DRAM1: variants seen among roughly 807,000 people sequenced by gnomAD.
DRAM1 encodes the protein DNA damage regulated autophagy modulator 1.
A neutral mutation model predicts 28.5 loss-of-function variants in DRAM1; 25 were observed. The ratio of observed to expected loss-of-function variants is 0.88; its 90% confidence interval spans 0.64 to 1.23. The LOEUF (loss-of-function observed/expected upper bound fraction) is 1.23. Ranked by LOEUF, DRAM1 falls within the 50% of genes most tolerant of loss-of-function variation. The pLI is 0.00. For synonymous variants in DRAM1, 113 were observed against 114.2 expected (o/e 0.99, Z 0.07); for missense variants, 249 against 299.2 (o/e 0.83, Z 1.24).
chr12:101,895,208 T>C (rs1256102141), intron 1 of DRAM1, among the ~76,000 whole-genome samples: 3 of 141,554 alleles, frequency 2.1e-5, no homozygotes, highest in African/African-American at 8.3e-5. Context: ...TTTTTTTTTT[T>C]TTTTTTTTAC....
intron 2 of DRAM1, among the ~76,000 whole-genome samples, 162 bp from the exon 3 acceptor site, chr12:101,901,125 CTGTA>C (rs1422829735): frequency 5.0e-5 from 5 of 100,692 alleles, no homozygotes; most frequent in Non-Finnish European, 1.1e-4. Context: ...GTGTGTGTGT[CTGTA>C]CATGCTGGGG....
intron 1 of DRAM1, among the ~76,000 whole-genome samples, chr12:101,889,433 C>T (rs184923322): frequency 3.3e-5 from 5 of 151,614 alleles, no homozygotes; most frequent in African/African-American, 9.7e-5. Flanking sequence ...CCTATTAAAC[C>T]TCCACTCAGA....
chr12:101,917,507 C>T (rs1160130088), intron 5 of DRAM1, among the ~76,000 whole-genome samples: 1 of 150,364 alleles, frequency 6.7e-6, no homozygotes, highest in Non-Finnish European at 1.5e-5. Flanking sequence ...GCCAATATGG[C>T]GAAACCCTGT....
chr12:101,880,703 C>T lies in DRAM1; in HGVS notation c.131+2783C>T, dbSNP rs141653268. Among the ~76,000 whole-genome samples, 1,198 of 152,214 alleles carry T rather than the reference C, an allele frequency of 7.9e-3. 8 individuals are homozygous for T. Among genetic ancestry groups the T allele is most frequent in the Non-Finnish European group, 0.011 (746 of 68,010 alleles). On this transcript the variant is annotated intron_variant, in intron 1 of 6. Transcript: ENST00000258534. Reference sequence around the variant, plus strand: ...CTGTCAAAGGCAGGTTTTGAATGTTCATAGAGGTGTCTGATGTAGTTGTGA... The same window carrying T: ...CTGTCAAAGGCAGGTTTTGAATGTTTATAGAGGTGTCTGATGTAGTTGTGA...
chr12:101,920,098 T>G lies in DRAM1; in HGVS notation c.580-11T>G, dbSNP rs1247387808. 2 of 1,565,672 alleles carry G rather than the reference T, an allele frequency of 1.3e-6. No homozygotes were observed. The highest frequency in any genetic ancestry group is 1.7e-6 in the Non-Finnish European group (2 of 1,153,610). ...TTTCGGCTAAATTCTGTTTCTTTATTATTGCATTAGGATTATGTATATCAC... is the reference window on the plus strand; with the variant it reads ...TTTCGGCTAAATTCTGTTTCTTTATGATTGCATTAGGATTATGTATATCAC... On this transcript the variant is annotated splice_polypyrimidine_tract_variant and intron_variant, in intron 5 of 6. Transcript: ENST00000258534.
intron 1 of DRAM1, 45 bp from the exon 2 acceptor site, chr12:101,897,818 A>T (rs377111151): frequency 4.2e-6 from 6 of 1,413,876 alleles, no homozygotes; most frequent in Non-Finnish European, 5.0e-6. Flanking sequence ...AGAGGTCTGG[A>T]CAGAATTTCT....
intron 5 of DRAM1, 34 bp from the exon 6 acceptor site, chr12:101,920,075 T>C (rs1412177962): frequency 6.7e-7 from 1 of 1,486,188 alleles, no homozygotes; most frequent in Non-Finnish European, 9.2e-7. Context: ...TGAGTCTTTT[T>C]CGGCTAAATT....
chr12:101,879,153 C>T (rs556317978), intron 1 of DRAM1, among the ~76,000 whole-genome samples: 1 of 152,066 alleles, frequency 6.6e-6, no homozygotes, highest in East Asian at 1.9e-4. Flanking sequence ...CACCACCACA[C>T]CTGGCTTAAT....
At chr12:101,879,090 G>T (rs1283641911) in intron 1 of DRAM1, among the ~76,000 whole-genome samples, 1 of 152,082 alleles carries the variant, frequency 6.6e-6, no homozygotes, top group Non-Finnish European at 1.5e-5. Flanking sequence ...TGCCTCCCGG[G>T]TTCAAGCGAT....
intron 2 of DRAM1, among the ~76,000 whole-genome samples, chr12:101,898,623 C>T (rs1426956146): frequency 6.6e-6 from 1 of 152,180 alleles, no homozygotes; most frequent in African/African-American, 2.4e-5. Context: ...TGAAAAGTCA[C>T]CTGGAGTTCT....
chr12:101,890,366 C>T, intron 1 of DRAM1: 1 of 196,608 alleles, frequency 5.1e-6, no homozygotes, highest in Non-Finnish European at 9.5e-6. Context: ...AGGTGAGAAC[C>T]ACCGAGCCCG....
intron 1 of DRAM1, chr12:101,890,111 C>T (rs1285420345): frequency 2.2e-6 from 1 of 450,316 alleles, no homozygotes; most frequent in East Asian, 7.0e-5. Flanking sequence ...TGAAGCCTCA[C>T]TCTGTCGGCC....
At position 101,892,427 on chromosome 12, in the gene DRAM1, T is replaced by A. The variant is rs35727440; in HGVS notation, c.132-5436T>A. The stretch of plus-strand genomic sequence containing the variant: ...ATTTTTTTTTTTTTTTTTTTTTTTG[T>A]ATTTTTAGTAGAGATAGGGTTTCAC... On this transcript the variant is annotated intron_variant, in intron 1 of 6. Transcript: ENST00000258534. Among the ~76,000 whole-genome samples, 158 of 23,476 alleles carry A rather than the reference T, an allele frequency of 6.7e-3. 3 individuals are homozygous for A. The South Asian group carries it at 0.12, about 19-fold the overall frequency. The allele number at this position is 23,476 out of a possible 152,430, so 15.4% of individuals were successfully genotyped here.
At chr12:101,912,779 G>T (rs998073032) in intron 4 of DRAM1, among the ~76,000 whole-genome samples, 5 of 147,820 alleles carry the variant, frequency 3.4e-5, no homozygotes, top group Admixed American at 2.0e-4. Flanking sequence ...TGTTGCCCAG[G>T]TTGGAGTGCA....
At chr12:101,908,124 G>C (rs1185845746) in intron 3 of DRAM1, 62 bp from the exon 4 acceptor site, 92 of 1,436,128 alleles carry the variant, frequency 6.4e-5, no homozygotes, top group Non-Finnish European at 8.5e-5. Context: ...GAGTGAGAGT[G>C]CTTGCGGTTC....
At chr12:101,901,241 C>A in intron 2 of DRAM1, 50 bp from the exon 3 acceptor site, 1 of 1,583,138 alleles carries the variant, frequency 6.3e-7, no homozygotes. Context: ...TGTTTTTCAT[C>A]CTAAAGACAT....
At chr12:101,894,956 T>C (rs1873290798) in intron 1 of DRAM1, among the ~76,000 whole-genome samples, 1 of 152,082 alleles carries the variant, frequency 6.6e-6, no homozygotes, top group African/African-American at 2.4e-5. Context: ...TTTTATACCC[T>C]CAGGCCAAGG....
At chr12:101,878,881 G>A (rs10860808) in intron 1 of DRAM1, among the ~76,000 whole-genome samples, 24,376 of 151,812 alleles carry the variant, frequency 0.16, 2,769 homozygotes, top group East Asian at 0.42. Context: ...GGTGAGCAAT[G>A]TTCTGTGTTT....
Position 101,883,314 on chromosome 12 carries a change from G to GTTT in DRAM1, c.131+5409_131+5411dup, listed in dbSNP as rs1225341398. 7.3e-5 allele frequency among the ~76,000 whole-genome samples: 8 copies of GTTT among 109,124 alleles called. 2 individuals carry two copies. The highest frequency in any genetic ancestry group is 3.6e-4 in the South Asian group (1 of 2,750). The allele number at this position is 109,124 out of a possible 152,430, so 71.6% of individuals were successfully genotyped here. A position where few individuals can be genotyped will look rare whatever the true frequency, so the allele number is the denominator to read the frequency against. Reference sequence around the variant, plus strand: ...TTTGTTTTATTTTTTACCCAAATAGGTTTTTTTTTTTTTTTTTGAGATGGA... The same window carrying GTTT: ...TTTGTTTTATTTTTTACCCAAATAGGTTTTTTTTTTTTTTTTTTTTGAGATGGA... On this transcript the variant is annotated intron_variant, in intron 1 of 6. Transcript: ENST00000258534.
Sources: gnomAD v4.1 joint callset for allele counts (sites outside exome capture counted in the v4.1 genomes callset) on GRCh38, gnomAD v4.1.1 for gene constraint, MANE v1.5 for transcripts, NCBI Gene and HGNC (gene_info 2026-07-23, HGNC 2026-07-21) for gene names.